Variants in COL5A1 observed in about 807,000 individuals in gnomAD.
COL5A1 encodes collagen alpha-1(V) chain.
A neutral mutation model predicts 263.7 loss-of-function variants in COL5A1; 16 were observed. The observed-to-expected ratio is 0.06, with a 90% CI of 0.04 to 0.09. The LOEUF is 0.09. COL5A1 is among the 10% of genes least tolerant of loss of function. The pLI is 1.00. For missense variants in COL5A1, 2,036 were observed against 2,540.5 expected, an observed-to-expected ratio of 0.80 and a Z score of 4.27; for synonymous variants, 1,012 against 1,004.5, an observed-to-expected ratio of 1.01 and a Z score of -0.14.
Position 134,842,400 on chromosome 9 carries a change from G to C in COL5A1, c.*97G>C, listed in dbSNP as rs1219380882. ...GCACGTCCTGACCCTGGACAGTGAA[G>C]GCTTCTCCCTCCCCTCCCACCTGAC... is the stretch of plus-strand genomic sequence containing the variant. On this transcript the variant is annotated 3_prime_UTR_variant, in exon 66 of 66. Transcript: ENST00000371817. This position sits in a 1 kb window ranked among gnomAD's most constrained non-coding sequence, Gnocchi z 5.8. The C allele has an allele frequency of 1.4e-6, 2 of 1,438,364 alleles. No homozygotes were observed. Among genetic ancestry groups the C allele is most frequent in the Middle Eastern group, 2.3e-4 (1 of 4,298 alleles). The allele number at this position is 1,438,364 out of a possible 1,614,324, so 89.1% of individuals were successfully genotyped here.
At chr9:134,820,006 G>A in intron 57 of COL5A1, 110 bp from the exon 58 acceptor site, 3 of 851,074 alleles carry the variant, frequency 3.5e-6, no homozygotes, top group Non-Finnish European at 6.2e-6. Context: ...GGCTGACCAT[G>A]ATGTAAAGCT....
intron 9 of COL5A1, among the ~76,000 whole-genome samples, chr9:134,735,997 GC>G (rs1356735016): frequency 2.0e-5 from 3 of 149,116 alleles, no homozygotes; most frequent in South Asian, 2.1e-4. Flanking sequence ...GACATCTGCG[GC>G]CCCCCCAGCC....
intron 41 of COL5A1, 57 bp from the exon 42 acceptor site, chr9:134,806,132 T>C: frequency 7.6e-7 from 1 of 1,310,232 alleles, no homozygotes; most frequent in Non-Finnish European, 1.1e-6. Flanking sequence ...CTTTACAAAG[T>C]CACGACCACG....
chr9:134,809,757 C>A (rs554853483), intron 43 of COL5A1, among the ~76,000 whole-genome samples: 176 of 152,312 alleles, frequency 1.2e-3, no homozygotes, highest in African/African-American at 4.1e-3. Context: ...TTTTATCCTT[C>A]ATTTAACGCA....
At chr9:134,666,337 G>T (rs1327564202) in intron 1 of COL5A1, among the ~76,000 whole-genome samples, 1 of 152,196 alleles carries the variant, frequency 6.6e-6, no homozygotes, top group Non-Finnish European at 1.5e-5. Context: ...CTGGCACGGG[G>T]TCCCTGGGCT....
intron 20 of COL5A1, among the ~76,000 whole-genome samples, chr9:134,764,940 C>G (rs538706913): frequency 3.7e-4 from 57 of 152,254 alleles, no homozygotes; most frequent in Non-Finnish European, 6.8e-4. Context: ...TGAAAAGGTT[C>G]TGTCAAAATT....
chr9:134,728,894 G>T, intron 6 of COL5A1, 87 bp downstream of exon 6: 2 of 1,565,608 alleles, frequency 1.3e-6, no homozygotes, highest in Non-Finnish European at 1.8e-6. Flanking sequence ...GTTGTGTCAG[G>T]GTAGAGGGTT....
rs1204586625 is a variant in COL5A1 at position 134,700,860 on chromosome 9, TG to T, written c.492-308del. ...ACCACGCTCCCAGGGACCACACTCC[TG>T]GGTCCCGAGCCAGTGCCGAGTGCTG... is the stretch of plus-strand genomic sequence containing the variant. On this transcript the variant is annotated intron_variant, in intron 3 of 65. Coordinates refer to ENST00000371817, the MANE Select transcript of COL5A1 (RefSeq NM_000093.5). This position sits in a 1 kb window ranked among gnomAD's most constrained non-coding sequence, Gnocchi z 4.0. Among the ~76,000 whole-genome samples, 1 of 152,130 alleles carries T rather than the reference TG, an allele frequency of 6.6e-6. No individual in the cohort carries two copies. The highest frequency in any genetic ancestry group is 1.5e-5 in the Non-Finnish European group (1 of 68,016).
chr9:134,677,599 T>C lies in COL5A1; in HGVS notation c.110-13313T>C, dbSNP rs1832716348. Among the ~76,000 whole-genome samples, 1 of 152,160 alleles carries C rather than the reference T, an allele frequency of 6.6e-6. No homozygotes were observed. The highest frequency in any genetic ancestry group is 2.4e-5 in the African/African-American group (1 of 41,426). On this transcript the variant is annotated intron_variant, in intron 1 of 65. Transcript: ENST00000371817. This position sits in a 1 kb window ranked among gnomAD's most constrained non-coding sequence, Gnocchi z 4.4. ...GTGATGACATTCCTTCCCCCATCACTCCTTGGCACAGCCACCCTTCATCCA... is the reference window on the plus strand; with the variant it reads ...GTGATGACATTCCTTCCCCCATCACCCCTTGGCACAGCCACCCTTCATCCA...
intron 4 of COL5A1, among the ~76,000 whole-genome samples, chr9:134,701,726 G>A (rs1041285526): frequency 6.6e-6 from 1 of 152,210 alleles, no homozygotes; most frequent in Non-Finnish European, 1.5e-5. Flanking sequence ...CTCTGGGTGA[G>A]CTTGAAGGGC....
At chr9:134,675,333 C>G (rs967886967) in intron 1 of COL5A1, among the ~76,000 whole-genome samples, 2 of 151,848 alleles carry the variant, frequency 1.3e-5, no homozygotes, top group Non-Finnish European at 2.9e-5. Flanking sequence ...GAATTTGCAT[C>G]CTTGCCAAAA....
intron 6 of COL5A1, 144 bp downstream of exon 6, chr9:134,728,951 G>A (rs1370682680): frequency 1.7e-5 from 18 of 1,059,756 alleles, no homozygotes; most frequent in East Asian, 2.5e-5. Context: ...TGAGGGAGCC[G>A]GCTGTTGCCA....
At chr9:134,798,183 G>A (rs539067404) in intron 36 of COL5A1, among the ~76,000 whole-genome samples, 23 of 152,208 alleles carry the variant, frequency 1.5e-4, no homozygotes, top group Non-Finnish European at 2.5e-4. Context: ...ACAACAGCAC[G>A]TCCCATGGGG....
chr9:134,709,792 G>A (rs1160104122), intron 4 of COL5A1, among the ~76,000 whole-genome samples: 1 of 152,198 alleles, frequency 6.6e-6, no homozygotes, highest in Non-Finnish European at 1.5e-5. Context: ...CTGGGCTGAC[G>A]GCGGATGTTC....
chr9:134,780,474 C>A lies in COL5A1; in HGVS notation c.2430+328C>A, dbSNP rs922814067. On this transcript the variant is annotated intron_variant, in intron 28 of 65. Transcript: ENST00000371817. ...CGTGCCTGCAGGGGCCAGTGGACAC[C>A]TGTCACCCTCCCCACTCCCAGGTGG... is the stretch of plus-strand genomic sequence containing the variant. Among the ~76,000 whole-genome samples the A allele has an allele frequency of 7.2e-5, 11 of 152,222 alleles. No homozygotes were observed. The South Asian group carries it at 8.3e-4, about 11-fold the overall frequency.
chr9:134,747,305 G>C (rs1413875647), intron 11 of COL5A1, among the ~76,000 whole-genome samples: 1 of 152,218 alleles, frequency 6.6e-6, no homozygotes, highest in Non-Finnish European at 1.5e-5. Context: ...CCGTGGCTTA[G>C]AACAGGCAGG....
At chr9:134,800,535 G>A (rs558285131) in intron 37 of COL5A1, among the ~76,000 whole-genome samples, 1 of 152,036 alleles carries the variant, frequency 6.6e-6, no homozygotes, top group Non-Finnish European at 1.5e-5. Context: ...ACCTGAGGTC[G>A]GGAGTTTGAG....
chr9:134,668,471 A>AGGAG (rs1248004169), intron 1 of COL5A1, among the ~76,000 whole-genome samples: 2 of 129,590 alleles, frequency 1.5e-5, no homozygotes, highest in African/African-American at 6.6e-5. Context: ...GTAGGGTAGC[A>AGGAG]GGAGAGAACA....
In COL5A1 at chr9:134,809,208, C is replaced by A; in HGVS notation, c.3392C>A (p.Ala1131Asp). Residue 1131 changes from alanine (A) to aspartate (D), a missense_variant, in exon 43 of 66, where the codon GCT becomes GAT. Ala to Asp is a moderately radical substitution (Grantham distance 126). Around this residue, in one of 3 missense-constraint regions of COL5A1, gnomAD observed 1,078 missense variants for 1,521.4 expected, o/e 0.71. Coordinates refer to ENST00000371817, the MANE Select transcript of COL5A1 (RefSeq NM_000093.5). The part of the protein sequence containing the change: ...APGEKGPQGP[A>D]GRDGLQGPVG... ...GGCGAGAAAGGCCCACAAGGCCCAG[C>A]TGGCCGAGACGGTCTCCAGGGGCCT... The A allele has an allele frequency of 6.3e-7, 1 of 1,594,950 alleles. No individual in the cohort carries two copies. The highest frequency in any genetic ancestry group is 8.5e-7 in the Non-Finnish European group (1 of 1,170,608).
Sources: allele counts gnomAD v4.1 joint callset (sites outside exome capture counted in the v4.1 genomes callset), GRCh38; gene constraint gnomAD v4.1.1; regional missense constraint gnomAD v4.1.1; non-coding constraint Gnocchi (gnomAD v3.1); transcripts MANE v1.5; gene names NCBI Gene and HGNC (gene_info 2026-07-23, HGNC 2026-07-21).